The following CNTNAP3B variants were observed in gnomAD, a reference collection of about 807,000 sequenced individuals.
CNTNAP3B encodes contactin associated protein family member 3B.
CNTNAP3B carries 25 observed loss-of-function variants against 108.9 expected under a neutral mutation model. That is an observed-to-expected ratio of 0.23 (90% CI 0.17 to 0.32). The LOEUF (loss-of-function observed/expected upper bound fraction) is 0.32. Ranked by LOEUF, CNTNAP3B falls within the 10% of genes least tolerant of loss-of-function variation. The pLI is 1.00. For missense variants in CNTNAP3B, 252 were observed against 1,210.4 expected (o/e 0.21, Z 11.75); for synonymous variants, 103 against 473.4 (o/e 0.22, Z 10.16).
intron 2 of CNTNAP3B, among the ~76,000 whole-genome samples, chr9:42,084,556 T>C (rs1827665947): frequency 2.3e-5 from 1 of 44,174 alleles, no homozygotes. Context: ...ATTATCCATC[T>C]GTATGTGATT....
chr9:41,973,033 G>A (rs1431169545), intron 9 of CNTNAP3B, among the ~76,000 whole-genome samples: 56 of 133,272 alleles, frequency 4.2e-4, no homozygotes, highest in African/African-American at 1.5e-3. Context: ...CACCACCCAG[G>A]TTCACAGCAT....
In CNTNAP3B at chr9:42,066,396, A is replaced by T. The variant is rs1293067978; in HGVS notation, c.390+10473T>A. On this transcript the variant is annotated intron_variant, in intron 3 of 23. Transcript: ENST00000377561. Reference sequence around the variant, plus strand: ...ATTATTAAATTAATTTCCAAAAAAAAGTATTAAAAAATGTGAGCTGTTGAA... The same window carrying T: ...ATTATTAAATTAATTTCCAAAAAAATGTATTAAAAAATGTGAGCTGTTGAA... Among the ~76,000 whole-genome samples, 4 of 108,350 alleles carry T rather than the reference A, an allele frequency of 3.7e-5. 1 individual carries two copies. Among genetic ancestry groups the T allele is most frequent in the African/African-American group, 1.4e-4 (4 of 27,890 alleles). 71.1% of individuals were successfully genotyped at this position (108,350 alleles called of 152,430 possible).
At chr9:42,005,373 T>G (rs1442695374) in intron 4 of CNTNAP3B, among the ~76,000 whole-genome samples, 1 of 79,270 alleles carries the variant, frequency 1.3e-5, no homozygotes, top group African/African-American at 4.7e-5. Flanking sequence ...GTATTTTTTG[T>G]AGAGATGGAG....
chr9:42,001,383 C>T (rs1186704194), intron 4 of CNTNAP3B, among the ~76,000 whole-genome samples: 1 of 131,032 alleles, frequency 7.6e-6, no homozygotes, highest in Non-Finnish European at 1.6e-5. Flanking sequence ...CACTGCACCC[C>T]AGCCTGGGCA....
chr9:42,003,279 C>T lies in CNTNAP3B; in HGVS notation c.539-4675G>A, dbSNP rs1367035194. Among the ~76,000 whole-genome samples the T allele has an allele frequency of 8.8e-5, 10 of 114,150 alleles. No homozygotes were observed. The East Asian group carries it at 2.1e-3, about 23-fold the overall frequency. 74.9% of individuals were successfully genotyped at this position (114,150 alleles called of 152,430 possible). On this transcript the variant is annotated intron_variant, in intron 4 of 23. Transcript: ENST00000377561. Reference sequence around the variant, plus strand: ...TTCTCACTGTCATTCTAAGCACAGGCATGTCTCATCCCCATCCTACCTTGT... The same window carrying T: ...TTCTCACTGTCATTCTAAGCACAGGTATGTCTCATCCCCATCCTACCTTGT...
intron 3 of CNTNAP3B, among the ~76,000 whole-genome samples, chr9:42,061,517 T>C (rs1339851803): frequency 7.9e-6 from 1 of 126,088 alleles, no homozygotes; most frequent in Admixed American, 8.0e-5. Flanking sequence ...TTTCATCATG[T>C]TGTCCAGAAT....
At chr9:41,923,552 A>C (rs1198062077) in intron 16 of CNTNAP3B, among the ~76,000 whole-genome samples, 13 of 152,388 alleles carry the variant, frequency 8.5e-5, no homozygotes, top group Admixed American at 7.2e-4. Context: ...ACTTGAGGCC[A>C]GGAGTTGAAG....
chr9:42,035,714 G>A (rs1378156886), intron 3 of CNTNAP3B, among the ~76,000 whole-genome samples: 2 of 151,134 alleles, frequency 1.3e-5, no homozygotes, highest in African/African-American at 4.9e-5. Context: ...CTGGAATGCA[G>A]CAACACAATC....
chr9:42,113,315 C>G (rs1280875335), intron 1 of CNTNAP3B, among the ~76,000 whole-genome samples: 2 of 137,284 alleles, frequency 1.5e-5, no homozygotes, highest in Admixed American at 7.3e-5. Flanking sequence ...GATAGATGAT[C>G]TTGTTCTCTT....
chr9:41,943,221 G>C (rs1287611566), intron 13 of CNTNAP3B, among the ~76,000 whole-genome samples: 1 of 152,298 alleles, frequency 6.6e-6, no homozygotes, highest in Non-Finnish European at 1.5e-5. Context: ...CAAAGTCTGG[G>C]AAGACTGGGA....
intron 3 of CNTNAP3B, among the ~76,000 whole-genome samples, chr9:42,030,813 G>GGAGA (rs71274672): frequency 0.035 from 2,279 of 65,708 alleles, 270 homozygotes; most frequent in East Asian, 0.094. Flanking sequence ...GAGAGAGAGA[G>GGAGA]GAGAGAGAGA....
At chr9:41,967,716 C>T (rs1244266468) in intron 10 of CNTNAP3B, among the ~76,000 whole-genome samples, 3 of 152,276 alleles carry the variant, frequency 2.0e-5, no homozygotes, top group African/African-American at 4.8e-5. Context: ...CCAAAGTTTT[C>T]TAATTTTATT....
intron 14 of CNTNAP3B, among the ~76,000 whole-genome samples, chr9:41,935,776 G>A (rs1824138668): frequency 2.0e-5 from 3 of 152,398 alleles, no homozygotes; most frequent in East Asian, 1.9e-4. Flanking sequence ...CCTTCTGAAT[G>A]TAGGAGGGGA....
At chr9:42,018,823 C>T (rs1425937684) in intron 3 of CNTNAP3B, among the ~76,000 whole-genome samples, 4 of 151,888 alleles carry the variant, frequency 2.6e-5, no homozygotes, top group African/African-American at 4.9e-5. Context: ...CTCAACCATG[C>T]GGAGCCTTCC....
intron 10 of CNTNAP3B, among the ~76,000 whole-genome samples, chr9:41,966,109 G>T (rs1281062941): frequency 6.6e-6 from 1 of 152,286 alleles, no homozygotes. Context: ...TGGAGCGACA[G>T]GCAAGGTTGG....
intron 2 of CNTNAP3B, among the ~76,000 whole-genome samples, chr9:42,086,121 A>G (rs962419650): frequency 6.4e-5 from 9 of 140,890 alleles, no homozygotes; most frequent in Non-Finnish European, 1.2e-4. Flanking sequence ...GCAGAAGGCG[A>G]AAAGCATATT....
chr9:42,049,726 AC>A (rs1405733156), intron 3 of CNTNAP3B, among the ~76,000 whole-genome samples: 4 of 86,518 alleles, frequency 4.6e-5, no homozygotes, highest in Non-Finnish European at 6.7e-5. Flanking sequence ...GTAGAAATGT[AC>A]TATTACTAGG....
chr9:42,119,166 G>A (rs1321214885), intron 1 of CNTNAP3B, among the ~76,000 whole-genome samples: 5 of 97,008 alleles, frequency 5.2e-5, no homozygotes, highest in Non-Finnish European at 1.0e-4. Flanking sequence ...AAAATCACAA[G>A]CATTCTTATA....
At chr9:41,924,895 T>C (rs1400814409) in intron 15 of CNTNAP3B, among the ~76,000 whole-genome samples, 1 of 152,278 alleles carries the variant, frequency 6.6e-6, no homozygotes, top group Non-Finnish European at 1.5e-5. Flanking sequence ...ACTTTCAGAA[T>C]GTTCCTCAAC....
Sources: gnomAD v4.1 joint callset for allele counts (sites outside exome capture counted in the v4.1 genomes callset) on GRCh38, gnomAD v4.1.1 for gene constraint, MANE v1.5 for transcripts, NCBI Gene and HGNC (gene_info 2026-07-23, HGNC 2026-07-21) for gene names.